Variants in ENOX1 observed in about 807,000 individuals in gnomAD.
ENOX1 encodes the protein ecto-NOX disulfide-thiol exchanger 1.
In ENOX1, 42 loss-of-function variants were observed where a neutral mutation model predicts 82.5. The ratio of observed to expected loss-of-function variants is 0.51; its 90% CI spans 0.40 to 0.66. The LOEUF (loss-of-function observed/expected upper bound fraction) is 0.66, where lower values mean the gene tolerates loss of function less well. Ranked by LOEUF, ENOX1 falls within the 30% of genes least tolerant of loss-of-function variation. The pLI is 0.00. For synonymous variants in ENOX1, 271 were observed against 282.2 expected, an observed-to-expected ratio of 0.96 and a Z score of 0.40; for missense variants, 608 against 811.6, an observed-to-expected ratio of 0.75 and a Z score of 3.05.
At chr13:43,238,529 G>A (rs1026370610) in intron 14 of ENOX1, among the ~76,000 whole-genome samples, 10 of 152,154 alleles carry the variant, frequency 6.6e-5, no homozygotes, top group African/African-American at 2.2e-4. Context: ...TATGCCCTAA[G>A]GACAAATAGG....
intron 2 of ENOX1, among the ~76,000 whole-genome samples, chr13:43,662,480 G>A (rs1239660062): frequency 1.3e-5 from 2 of 152,122 alleles, no homozygotes; most frequent in Non-Finnish European, 2.9e-5. Context: ...TTCTTCCCAT[G>A]TCTAAACCTT....
At chr13:43,777,600 T>C (rs369324573) in intron 1 of ENOX1, among the ~76,000 whole-genome samples, 41 of 151,198 alleles carry the variant, frequency 2.7e-4, no homozygotes, top group African/African-American at 9.2e-4. Flanking sequence ...TGGAGTGCAA[T>C]GGCATGATCT....
chr13:43,464,561 T>G lies in ENOX1; in HGVS notation c.-75+19448A>C, dbSNP rs75793931. On this transcript the variant is annotated intron_variant, in intron 3 of 16. Coordinates refer to ENST00000690772, the MANE Select transcript of ENOX1 (RefSeq NM_001347969.2). ...ATCTGTTTCACCTTTTGGGCCTTCT[T>G]ATTATTAGTGTTTTTGACAATTTTT... Among the ~76,000 whole-genome samples the G allele has an allele frequency of 2.9e-3, 435 of 152,318 alleles. 1 individual carries two copies. Among genetic ancestry groups the G allele is most frequent in the African/African-American group, 0.01 (419 of 41,578 alleles).
chr13:43,263,892 G>T (rs765675066), intron 14 of ENOX1, among the ~76,000 whole-genome samples: 18 of 152,208 alleles, frequency 1.2e-4, no homozygotes, highest in Non-Finnish European at 2.5e-4. Context: ...ACAGGGTGCT[G>T]AAGAAGGGTT....
At chr13:43,664,889 A>G (rs571681182) in intron 2 of ENOX1, among the ~76,000 whole-genome samples, 2 of 152,158 alleles carry the variant, frequency 1.3e-5, no homozygotes, top group Non-Finnish European at 2.9e-5. Context: ...TTTCATTTTC[A>G]TTTTCTACTG....
At chr13:43,468,006 C>T (rs1593347823) in intron 3 of ENOX1, among the ~76,000 whole-genome samples, 1 of 152,200 alleles carries the variant, frequency 6.6e-6, no homozygotes, top group Middle Eastern at 3.4e-3. Flanking sequence ...ATTCTCTATT[C>T]CATTCCATTT....
chr13:43,470,914 G>A (rs1425905268), intron 3 of ENOX1, among the ~76,000 whole-genome samples: 1 of 152,122 alleles, frequency 6.6e-6, no homozygotes, highest in Admixed American at 6.5e-5. Context: ...CTCACATTTT[G>A]TTGGTGGGAA....
chr13:43,607,941 G>A (rs1260932654), intron 2 of ENOX1, among the ~76,000 whole-genome samples: 1 of 152,128 alleles, frequency 6.6e-6, no homozygotes, highest in Non-Finnish European at 1.5e-5. Context: ...TTGAGCTCAG[G>A]GAGTTGCAAT....
Position 43,667,513 on chromosome 13 carries a change from A to G in ENOX1, c.-253T>C. 6.1e-6 allele frequency: 6 copies of G among 985,452 alleles called. No individual in the cohort carries two copies. Among genetic ancestry groups the G allele is most frequent in the Non-Finnish European group, 7.2e-6 (6 of 829,810 alleles). 61.0% of individuals were successfully genotyped at this position (985,452 alleles called of 1,614,324 possible). On this transcript the variant is annotated 5_prime_UTR_variant, in exon 2 of 17. It removes the in-frame stop codon of an upstream open reading frame in the 5' UTR. Coordinates refer to ENST00000690772, the MANE Select transcript of ENOX1 (RefSeq NM_001347969.2). ...GTGAGCTCTCTCTCCTCCACATATT[A>G]TAAATACGACATCATGCTGGCAGCA... is the stretch of plus-strand genomic sequence containing the variant.
chr13:43,703,512 T>G (rs2087040753), intron 1 of ENOX1, among the ~76,000 whole-genome samples: 1 of 152,202 alleles, frequency 6.6e-6, no homozygotes, highest in Non-Finnish European at 1.5e-5. Flanking sequence ...TCTGGGAATG[T>G]TATACGCTTA....
At chr13:43,582,099 A>G (rs536940544) in intron 2 of ENOX1, among the ~76,000 whole-genome samples, 1 of 152,324 alleles carries the variant, frequency 6.6e-6, no homozygotes, top group South Asian at 2.1e-4. Flanking sequence ...AAAGTATAGA[A>G]AACATTCTTG....
intron 1 of ENOX1, among the ~76,000 whole-genome samples, chr13:43,681,614 G>T (rs926733482): frequency 3.4e-5 from 5 of 148,682 alleles, no homozygotes; most frequent in African/African-American, 1.3e-4. Flanking sequence ...GTTTGGGTAT[G>T]TCTTGTCTAA....
chr13:43,396,023 C>T (rs767227129), intron 5 of ENOX1, among the ~76,000 whole-genome samples: 9 of 152,330 alleles, frequency 5.9e-5, no homozygotes, highest in East Asian at 1.9e-4. Flanking sequence ...GCATGTACCC[C>T]GGTTACCTCT....
In ENOX1 at chr13:43,281,623, T is replaced by C. The variant is rs76748033; in HGVS notation, c.1447-12046A>G. Among the ~76,000 whole-genome samples the C allele has an allele frequency of 1.1e-4, 16 of 152,298 alleles. No individual in the cohort carries two copies. In the East Asian group the frequency reaches 3.1e-3, roughly 29 times the overall value. On this transcript the variant is annotated intron_variant, in intron 12 of 16. Coordinates refer to ENST00000690772, the MANE Select transcript of ENOX1 (RefSeq NM_001347969.2). ...CAATTGCATACATTTTAACATTGCA[T>C]GTGATGTTTACCCGTGAAAATTTCC...
chr13:43,602,348 C>T (rs1211153490), intron 2 of ENOX1, among the ~76,000 whole-genome samples: 2 of 151,928 alleles, frequency 1.3e-5, no homozygotes. Flanking sequence ...TATAAACAGG[C>T]AACTCACTGA....
At chr13:43,226,770 C>T (rs2042044914) in intron 15 of ENOX1, among the ~76,000 whole-genome samples, 1 of 152,122 alleles carries the variant, frequency 6.6e-6, no homozygotes, top group South Asian at 2.1e-4. Flanking sequence ...TCTCCTCCTC[C>T]CCTGCAGGGT....
chr13:43,653,576 G>A (rs1185466124), intron 2 of ENOX1, among the ~76,000 whole-genome samples: 1 of 151,824 alleles, frequency 6.6e-6, no homozygotes, highest in Non-Finnish European at 1.5e-5. Flanking sequence ...ATAACCAAAA[G>A]AGCATAACAT....
chr13:43,231,360 A>G (rs1384530378), intron 15 of ENOX1, among the ~76,000 whole-genome samples: 1 of 152,204 alleles, frequency 6.6e-6, no homozygotes, highest in Non-Finnish European at 1.5e-5. Context: ...TGGGAAGTGG[A>G]GAGAAACTGT....
chr13:43,623,688 T>C (rs551903313), intron 2 of ENOX1, among the ~76,000 whole-genome samples: 1 of 152,072 alleles, frequency 6.6e-6, no homozygotes, highest in South Asian at 2.1e-4. Flanking sequence ...AAATTCACAG[T>C]GTGAGTCCCC....
Sources: allele counts gnomAD v4.1 joint callset (sites outside exome capture counted in the v4.1 genomes callset), GRCh38; gene constraint gnomAD v4.1.1; transcripts MANE v1.5; gene names NCBI Gene and HGNC (gene_info 2026-07-23, HGNC 2026-07-21).